The following PNPLA8 variants were observed in gnomAD, a reference collection of about 807,000 sequenced individuals.
PNPLA8 encodes calcium-independent phospholipase A2-gamma.
In PNPLA8, 39 loss-of-function variants were observed where a neutral mutation model predicts 76.9. The observed-to-expected ratio is 0.51, with a 90% CI of 0.39 to 0.66. The LOEUF is 0.66. Ranked by LOEUF, PNPLA8 falls within the 30% of genes least tolerant of loss-of-function variation. PNPLA8 has a pLI of 0.00. For synonymous variants in PNPLA8, 301 were observed against 307.9 expected, an observed-to-expected ratio of 0.98 and a Z score of 0.24; for missense variants, 887 against 918.0, an observed-to-expected ratio of 0.97 and a Z score of 0.44.
intron 10 of PNPLA8, among the ~76,000 whole-genome samples, chr7:108,474,653 T>A (rs905314664): frequency 1.3e-5 from 2 of 152,192 alleles, no homozygotes; most frequent in Non-Finnish European, 1.5e-5. Context: ...TGGATACAGG[T>A]ATCTAATAGT....
In PNPLA8 at chr7:108,487,932, C is replaced by T; in HGVS notation, c.1705G>A (p.Val569Ile). The part of the protein sequence containing the change: ...CPKVAAVSTI[V>I]NRGITPKAFV... ...GCTTTGGGTGTTATCCCTCTATTTACTATGGTACTTACAGCAGCTACCTAG... is the reference window on the plus strand; with the variant it reads ...GCTTTGGGTGTTATCCCTCTATTTATTATGGTACTTACAGCAGCTACCTAG... Residue 569 changes from valine to isoleucine, a missense_variant, in exon 9 of 11, where the codon GTA becomes ATA. Transcript: ENST00000257694. 1 of 1,610,642 alleles carries T rather than the reference C, an allele frequency of 6.2e-7. No homozygotes were observed. The highest frequency in any genetic ancestry group is 8.5e-7 in the Non-Finnish European group (1 of 1,177,516).
At chr7:108,487,207 T>C (rs1441506408) in intron 9 of PNPLA8, among the ~76,000 whole-genome samples, 2 of 152,216 alleles carry the variant, frequency 1.3e-5, no homozygotes, top group African/African-American at 2.4e-5. Flanking sequence ...ACAGCTGTGA[T>C]GCTAGTCCAG....
intron 4 of PNPLA8, among the ~76,000 whole-genome samples, chr7:108,506,721 C>A (rs1163147652): frequency 6.7e-6 from 1 of 148,282 alleles, no homozygotes; most frequent in African/African-American, 2.5e-5. Context: ...AAAAAAAAAA[C>A]CAGACATATA....
chr7:108,499,301 A>G (rs1197147977), intron 5 of PNPLA8, among the ~76,000 whole-genome samples: 1 of 152,212 alleles, frequency 6.6e-6, no homozygotes, highest in Non-Finnish European at 1.5e-5. Flanking sequence ...TAATTGGGAA[A>G]CTTAACTATT....
intron 4 of PNPLA8, among the ~76,000 whole-genome samples, chr7:108,510,030 G>C (rs1862777588): frequency 8.2e-6 from 1 of 122,180 alleles, no homozygotes; most frequent in Admixed American, 8.8e-5. Flanking sequence ...ACTGTGGTGG[G>C]GTGGGGGGAG....
At chr7:108,472,833 A>G (rs1859719140) in intron 10 of PNPLA8, among the ~76,000 whole-genome samples, 158 bp from the exon 11 acceptor site, 1 of 152,230 alleles carries the variant, frequency 6.6e-6, no homozygotes, top group Non-Finnish European at 1.5e-5. Flanking sequence ...GAAGTAATCC[A>G]TAATAATGGG....
At chr7:108,479,758 A>C (rs1254750244) in intron 9 of PNPLA8, among the ~76,000 whole-genome samples, 1 of 152,260 alleles carries the variant, frequency 6.6e-6, no homozygotes, top group African/African-American at 2.4e-5. Context: ...TTCTTCTCTC[A>C]CAAGTCAAAT....
chr7:108,472,446 T>C lies in PNPLA8; in HGVS notation c.2304A>G (p.Leu768=), dbSNP rs1334931065. Residue 768 remains leucine (L), a synonymous_variant, in exon 11 of 11, where the codon TTA becomes TTG. Coordinates refer to ENST00000257694, the MANE Select transcript of PNPLA8 (RefSeq NM_001256007.3). The part of the protein sequence containing the change: ...TLQKINDWIK[L]KTDMYEGLPF... ...GAAGTCCTTCATACATATCAGTTTTTAATTTTATCCAATCATTAATTTTCT... is the reference window on the plus strand; with the variant it reads ...GAAGTCCTTCATACATATCAGTTTTCAATTTTATCCAATCATTAATTTTCT... 6.3e-7 allele frequency: 1 copy of C among 1,597,038 alleles called. No individual in the cohort carries two copies. The highest frequency in any genetic ancestry group is 2.2e-5 in the East Asian group (1 of 44,742).
intron 7 of PNPLA8, among the ~76,000 whole-genome samples, chr7:108,492,616 G>GA (rs540499986): frequency 5.3e-5 from 8 of 149,654 alleles, no homozygotes; most frequent in South Asian, 2.1e-4. Context: ...GTCAAAATAT[G>GA]AAAAAAAAAT....
chr7:108,523,661 G>A (rs146286738), intron 1 of PNPLA8, among the ~76,000 whole-genome samples: 323 of 152,256 alleles, frequency 2.1e-3, no homozygotes, highest in African/African-American at 7.0e-3. Flanking sequence ...GTCCTCTCTT[G>A]CTGAGGCGCC....
intron 2 of PNPLA8, among the ~76,000 whole-genome samples, chr7:108,516,675 G>A (rs1863365859): frequency 6.6e-6 from 1 of 152,182 alleles, no homozygotes; most frequent in African/African-American, 2.4e-5. Context: ...GGCTGAGGCA[G>A]GCAGATCACG....
intron 1 of PNPLA8, among the ~76,000 whole-genome samples, chr7:108,521,967 A>G (rs1489171513): frequency 1.3e-5 from 2 of 152,200 alleles, no homozygotes; most frequent in Non-Finnish European, 2.9e-5. Context: ...ATACCCCTCC[A>G]GCATTCACAT....
At chr7:108,483,115 C>T (rs756655771) in intron 9 of PNPLA8, among the ~76,000 whole-genome samples, 7 of 152,282 alleles carry the variant, frequency 4.6e-5, no homozygotes, top group Non-Finnish European at 8.8e-5. Flanking sequence ...AAACTTGTAT[C>T]CCAAATAATA....
In PNPLA8 at chr7:108,496,730, C is replaced by G. The variant is rs763351460; in HGVS notation, c.1479G>C (p.Gly493=). The G allele has an allele frequency of 8.1e-6, 13 of 1,610,726 alleles. 1 individual carries two copies. In the South Asian group the frequency reaches 1.4e-4, roughly 18 times the overall value. ...ATTCATCCAAGGGCATATGAAACAACCCCAACATGAAAGCTAATATGGCAC... is the reference window on the plus strand; with the variant it reads ...ATTCATCCAAGGGCATATGAAACAAGCCCAACATGAAAGCTAATATGGCAC... The part of the protein sequence containing the change: ...STGAILAFML[G]LFHMPLDECE... Residue 493 remains glycine, a synonymous_variant, in exon 7 of 11, where the codon GGG becomes GGC. Coordinates refer to ENST00000257694, the MANE Select transcript of PNPLA8 (RefSeq NM_001256007.3).
intron 9 of PNPLA8, among the ~76,000 whole-genome samples, chr7:108,482,339 G>A (rs1300505342): frequency 1.3e-5 from 2 of 152,090 alleles, no homozygotes; most frequent in African/African-American, 4.8e-5. Context: ...GGGGGTGGTG[G>A]CGCACACCTG....
chr7:108,510,551 G>C (rs1038158415), intron 4 of PNPLA8: 131 of 1,404,924 alleles, frequency 9.3e-5, no homozygotes, highest in Middle Eastern at 5.3e-4. Context: ...GGTCCGAAAG[G>C]TGTTGCAGCT....
chr7:108,521,906 C>G (rs1222916230), intron 1 of PNPLA8, among the ~76,000 whole-genome samples: 1 of 152,172 alleles, frequency 6.6e-6, no homozygotes, highest in African/African-American at 2.4e-5. Context: ...CAGAGTTAAC[C>G]TGAAAATCTA....
At chr7:108,482,579 T>C (rs73426125) in intron 9 of PNPLA8, among the ~76,000 whole-genome samples, 4 of 152,360 alleles carry the variant, frequency 2.6e-5, no homozygotes, top group African/African-American at 9.6e-5. Context: ...AGAGTTTTGA[T>C]TGGCATTGCA....
intron 2 of PNPLA8, among the ~76,000 whole-genome samples, chr7:108,518,945 T>C (rs944481445): frequency 8.6e-5 from 13 of 151,688 alleles, no homozygotes; most frequent in African/African-American, 3.1e-4. Context: ...TTTACTTTTC[T>C]AGTGTCTGAA....
Sources: gnomAD v4.1 joint callset for allele counts (sites outside exome capture counted in the v4.1 genomes callset) on GRCh38, gnomAD v4.1.1 for gene constraint, MANE v1.5 for transcripts, NCBI Gene and HGNC (gene_info 2026-07-23, HGNC 2026-07-21) for gene names.